The following SETD3 variants were observed in gnomAD, a reference collection of about 807,000 sequenced individuals.
SETD3 encodes the protein actin-histidine N-methyltransferase.
A neutral mutation model predicts 63.0 loss-of-function variants in SETD3; 19 were observed. That is an observed-to-expected ratio of 0.30 (90% CI 0.21 to 0.44). The LOEUF is 0.44. Among genes scored for constraint, SETD3 ranks in the 20% least tolerant of loss-of-function variants. SETD3 has a pLI of 1.00. For missense variants in SETD3, 587 were observed against 728.5 expected, an observed-to-expected ratio of 0.81 and a Z score of 2.24; for synonymous variants, 286 against 264.1, an observed-to-expected ratio of 1.08 and a Z score of -0.80.
chr14:99,448,932 C>T (rs1363422414), intron 6 of SETD3, among the ~76,000 whole-genome samples: 1 of 152,194 alleles, frequency 6.6e-6, no homozygotes, highest in Non-Finnish European at 1.5e-5. Flanking sequence ...TTATTAAGCA[C>T]TCCATGCAAA....
intron 1 of SETD3, among the ~76,000 whole-genome samples, chr14:99,467,091 T>C (rs1160323749): frequency 3.6e-5 from 4 of 111,516 alleles, no homozygotes; most frequent in Non-Finnish European, 6.7e-5. Context: ...TATGGCCATG[T>C]GCTAAAACAG....
At chr14:99,418,697 T>A (rs989671492) in intron 6 of SETD3, among the ~76,000 whole-genome samples, 1 of 152,042 alleles carries the variant, frequency 6.6e-6, no homozygotes, top group Non-Finnish European at 1.5e-5. Flanking sequence ...TATAGGCCTA[T>A]AGAGACCCCC....
chr14:99,399,252 G>A (rs1409648162), intron 12 of SETD3, 127 bp from the exon 13 acceptor site: 2 of 679,360 alleles, frequency 2.9e-6, no homozygotes, highest in African/African-American at 3.6e-5. Context: ...TCTAACACTT[G>A]ACTGGGCAGG....
intron 1 of SETD3, among the ~76,000 whole-genome samples, chr14:99,476,223 C>T (rs1466408860): frequency 6.6e-6 from 1 of 152,298 alleles, no homozygotes; most frequent in African/African-American, 2.4e-5. Flanking sequence ...ACCAGCACAC[C>T]TCAATGACAA....
intron 6 of SETD3, among the ~76,000 whole-genome samples, chr14:99,454,355 A>T (rs1438217231): frequency 6.6e-6 from 1 of 152,050 alleles, no homozygotes; most frequent in Non-Finnish European, 1.5e-5. Flanking sequence ...ACACCTGGCT[A>T]ATTTTTTGTA....
At chr14:99,446,444 C>T (rs1470624488) in intron 6 of SETD3, among the ~76,000 whole-genome samples, 4 of 152,118 alleles carry the variant, frequency 2.6e-5, no homozygotes, top group African/African-American at 9.7e-5. Flanking sequence ...AAAGTCTTAC[C>T]GTGCTCAGCC....
intron 4 of SETD3, among the ~76,000 whole-genome samples, chr14:99,459,992 A>G (rs372224137): frequency 6.6e-6 from 1 of 152,226 alleles, no homozygotes; most frequent in Non-Finnish European, 1.5e-5. Context: ...CATAGTGAGG[A>G]AAGTCCACAG....
At position 99,403,455 on chromosome 14, in the gene SETD3, A is replaced by ACTCTCTCTCTCTCTCTCTCTCTCT. The variant is rs55804663; in HGVS notation, c.1177+746_1177+769dup. Among the ~76,000 whole-genome samples the ACTCTCTCTCTCTCTCTCTCTCTCT allele has an allele frequency of 1.5e-4, 20 of 135,538 alleles. No homozygotes were observed. In the East Asian group the frequency reaches 2.0e-3, roughly 14 times the overall value. 88.9% of individuals were successfully genotyped at this position (135,538 alleles called of 152,430 possible). A position where few individuals can be genotyped will look rare whatever the true frequency, so the allele number is the denominator to read the frequency against. On this transcript the variant is annotated intron_variant, in intron 11 of 12. Transcript: ENST00000331768. ...TACACACACACACACACACACACAC[A>ACTCTCTCTCTCTCTCTCTCTCTCT]CTCTCTCTCTCTCTCTCTCTCTCTC...
At chr14:99,481,641 C>A (rs1896326274), upstream of SETD3, 1 of 387,234 alleles carries the variant, frequency 2.6e-6, no homozygotes, top group Non-Finnish European at 4.6e-6. Context: ...GCGGGCGACG[C>A]GGGGTTGTGG....
At chr14:99,463,135 A>C (rs1895167581) in intron 3 of SETD3, among the ~76,000 whole-genome samples, 1 of 152,248 alleles carries the variant, frequency 6.6e-6, no homozygotes, top group Non-Finnish European at 1.5e-5. Context: ...ATCAGCATTT[A>C]TTTGTTATTG....
chr14:99,459,799 T>C (rs1894969256), intron 4 of SETD3, among the ~76,000 whole-genome samples: 1 of 152,216 alleles, frequency 6.6e-6, no homozygotes, highest in Non-Finnish European at 1.5e-5. Context: ...GCAAAAAACA[T>C]GCACATGGCG....
At chr14:99,468,681 T>C (rs34678166) in intron 1 of SETD3, among the ~76,000 whole-genome samples, 3,721 of 152,272 alleles carry the variant, frequency 0.024, 76 homozygotes, top group Middle Eastern at 0.058. Context: ...TAGTCACTTA[T>C]TCACTAACTC....
chr14:99,422,200 C>A (rs1892631106), intron 6 of SETD3, among the ~76,000 whole-genome samples: 1 of 152,182 alleles, frequency 6.6e-6, no homozygotes, highest in Non-Finnish European at 1.5e-5. Flanking sequence ...ACATATGTAT[C>A]AAATACATGT....
chr14:99,426,199 A>C (rs1407598209), intron 6 of SETD3, among the ~76,000 whole-genome samples: 3 of 152,196 alleles, frequency 2.0e-5, no homozygotes, highest in Admixed American at 2.0e-4. Flanking sequence ...ACCTCCAGTG[A>C]CCTCTAAATG....
intron 4 of SETD3, among the ~76,000 whole-genome samples, chr14:99,459,526 A>C (rs1894953703): frequency 6.6e-6 from 1 of 152,310 alleles, no homozygotes; most frequent in African/African-American, 2.4e-5. Context: ...TGTACTTTTA[A>C]GTTCTAAAAC....
chr14:99,414,442 G>A (rs997322370), intron 6 of SETD3, among the ~76,000 whole-genome samples: 1 of 152,196 alleles, frequency 6.6e-6, no homozygotes, highest in African/African-American at 2.4e-5. Flanking sequence ...TCATTTCATG[G>A]GAATCAACTT....
intron 8 of SETD3, chr14:99,409,870 T>C (rs1004856124): frequency 1.5e-5 from 3 of 203,382 alleles, no homozygotes; most frequent in Non-Finnish European, 2.9e-5. Flanking sequence ...TTACAGTCAT[T>C]TATTTACCGG....
intron 6 of SETD3, among the ~76,000 whole-genome samples, chr14:99,425,321 G>C (rs1196299434): frequency 3.3e-5 from 5 of 152,228 alleles, no homozygotes; most frequent in Non-Finnish European, 5.9e-5. Flanking sequence ...AACTCTCCTA[G>C]AGTAGGAGCC....
At chr14:99,410,965 G>C (rs570579609) in intron 8 of SETD3, among the ~76,000 whole-genome samples, 2 of 152,114 alleles carry the variant, frequency 1.3e-5, no homozygotes, top group Non-Finnish European at 2.9e-5. Context: ...AGAAAATCTC[G>C]TCTTAAAAGC....
Sources: allele counts gnomAD v4.1 joint callset (sites outside exome capture counted in the v4.1 genomes callset), GRCh38; gene constraint gnomAD v4.1.1; transcripts MANE v1.5; gene names NCBI Gene and HGNC (gene_info 2026-07-23, HGNC 2026-07-21).